SND1: variants seen among roughly 807,000 people sequenced by gnomAD.
SND1 encodes staphylococcal nuclease and tudor domain containing 1, also known as staphylococcal nuclease domain-containing protein 1.
Under a neutral mutation model 121.7 loss-of-function variants are expected in SND1, and 38 were observed. That is an observed-to-expected ratio of 0.31 (90% CI 0.24 to 0.41). The LOEUF (loss-of-function observed/expected upper bound fraction) is 0.41, where lower values mean the gene tolerates loss of function less well. Among genes scored for constraint, SND1 ranks in the 10% least tolerant of loss-of-function variants. The probability of loss-of-function intolerance (pLI) is 1.00; values close to 1 mark genes in which losing one functional copy is unlikely to be tolerated. For synonymous variants in SND1, 401 were observed against 447.4 expected (o/e 0.90, Z 1.31); for missense variants, 868 against 1,184.6 (o/e 0.73, Z 3.92).
intron 11 of SND1, among the ~76,000 whole-genome samples, chr7:127,830,830 T>C (rs1798725451): frequency 6.6e-6 from 1 of 152,198 alleles, no homozygotes. Context: ...CCTAGTTTGC[T>C]GTCTAGGAGT....
At chr7:127,771,269 G>A (rs149929348) in intron 10 of SND1, among the ~76,000 whole-genome samples, 8 of 152,264 alleles carry the variant, frequency 5.3e-5, no homozygotes, top group Non-Finnish European at 1.0e-4. Flanking sequence ...CTTGGCATAC[G>A]TATACTATTG....
chr7:127,835,397 A>T (rs940299816), intron 11 of SND1, among the ~76,000 whole-genome samples: 2 of 152,132 alleles, frequency 1.3e-5, no homozygotes, highest in Admixed American at 1.3e-4. Flanking sequence ...GTGACCTTGG[A>T]AATTTTGGCC....
intron 1 of SND1, among the ~76,000 whole-genome samples, chr7:127,661,326 C>T (rs1795306936): frequency 1.3e-5 from 2 of 152,142 alleles, no homozygotes; most frequent in South Asian, 4.2e-4. Context: ...TGCGACTTTT[C>T]CTTCTGTTTG....
chr7:127,885,310 G>A lies in SND1; in HGVS notation c.1344-2592G>A, dbSNP rs561629337. Among the ~76,000 whole-genome samples, 7 of 152,190 alleles carry A rather than the reference G, an allele frequency of 4.6e-5. No individual in the cohort carries two copies. The South Asian group carries it at 6.2e-4, about 14-fold the overall frequency. On this transcript the variant is annotated intron_variant, in intron 12 of 23. Coordinates refer to ENST00000354725, the MANE Select transcript of SND1 (RefSeq NM_014390.4). ...CATGTGATTCTCATATGCATTGCAC[G>A]TAGTGAATGCCCAATGGTGATGGTT...
At chr7:127,977,517 TAAG>T (rs1333536288) in intron 15 of SND1, among the ~76,000 whole-genome samples, 2 of 151,946 alleles carry the variant, frequency 1.3e-5, no homozygotes, top group East Asian at 1.9e-4. Context: ...AAAAAGAAAA[TAAG>T]AAGCAGAACA....
chr7:127,821,070 C>T lies in SND1; in HGVS notation c.1242+13497C>T, dbSNP rs563679606. On this transcript the variant is annotated intron_variant, in intron 11 of 23. Coordinates refer to ENST00000354725, the MANE Select transcript of SND1 (RefSeq NM_014390.4). The stretch of plus-strand genomic sequence containing the variant: ...CCCGAATGAACACTCAGAATGTTCT[C>T]AGCGAGATGATATTGTGTAGTACAT... Among the ~76,000 whole-genome samples, 4 of 152,318 alleles carry T rather than the reference C, an allele frequency of 2.6e-5. No individual in the cohort carries two copies. The East Asian group carries it at 7.7e-4, about 29-fold the overall frequency.
At chr7:127,817,369 G>T (rs1798463314) in intron 11 of SND1, among the ~76,000 whole-genome samples, 1 of 152,116 alleles carries the variant, frequency 6.6e-6, no homozygotes, top group African/African-American at 2.4e-5. Flanking sequence ...CTTAGGAATA[G>T]GAATATTTCC....
At chr7:127,849,502 C>T (rs568348072) in intron 12 of SND1, among the ~76,000 whole-genome samples, 1 of 152,304 alleles carries the variant, frequency 6.6e-6, no homozygotes, top group South Asian at 2.1e-4. Flanking sequence ...CAGATACACA[C>T]ACTCATTCTC....
intron 13 of SND1, among the ~76,000 whole-genome samples, chr7:127,892,812 G>A (rs1271568109): frequency 7.1e-5 from 6 of 84,824 alleles, no homozygotes; most frequent in South Asian, 4.0e-4. Flanking sequence ...TCCCCACCCC[G>A]AATTTAGGTG....
chr7:127,753,980 G>A (rs748991725), intron 10 of SND1, among the ~76,000 whole-genome samples: 1 of 152,096 alleles, frequency 6.6e-6, no homozygotes, highest in Non-Finnish European at 1.5e-5. Flanking sequence ...CCCCTTGAAC[G>A]CTCAGAGCCT....
At chr7:127,734,175 C>T (rs1256601681) in intron 10 of SND1, among the ~76,000 whole-genome samples, 1 of 152,068 alleles carries the variant, frequency 6.6e-6, no homozygotes, top group African/African-American at 2.4e-5. Flanking sequence ...GTGTGAGATT[C>T]CCCGCTCCAG....
intron 1 of SND1, among the ~76,000 whole-genome samples, chr7:127,662,672 T>G (rs2116238214): frequency 6.6e-6 from 1 of 152,242 alleles, no homozygotes; most frequent in South Asian, 2.1e-4. Flanking sequence ...AGTTTTTTTG[T>G]TTGGTAGTTT....
chr7:127,788,134 G>A (rs1334756095), intron 10 of SND1, among the ~76,000 whole-genome samples: 10 of 152,340 alleles, frequency 6.6e-5, no homozygotes, highest in Non-Finnish European at 1.3e-4. Flanking sequence ...TGGGCATTTA[G>A]AGTTAGAAGG....
In SND1 at chr7:127,864,150, C is replaced by G. The variant is rs140469581; in HGVS notation, c.1343+19726C>G. Among the ~76,000 whole-genome samples, 136 of 149,826 alleles carry G rather than the reference C, an allele frequency of 9.1e-4. 1 individual carries two copies. The highest frequency in any genetic ancestry group is 3.4e-3 in the Middle Eastern group (1 of 294). Reference sequence around the variant, plus strand: ...TTAGATATTTAGGATAAATAAGAAACTTCTCCCATTTTTCTAAGTCTTCCC... The same window carrying G: ...TTAGATATTTAGGATAAATAAGAAAGTTCTCCCATTTTTCTAAGTCTTCCC... On this transcript the variant is annotated intron_variant, in intron 12 of 23. Coordinates refer to ENST00000354725, the MANE Select transcript of SND1 (RefSeq NM_014390.4).
intron 10 of SND1, among the ~76,000 whole-genome samples, chr7:127,784,982 A>G (rs560574027): frequency 1.3e-5 from 2 of 152,132 alleles, no homozygotes; most frequent in African/African-American, 4.8e-5. Flanking sequence ...GCAGTGGCAC[A>G]ATCACGGCTT....
chr7:127,765,189 G>C (rs1373228869), intron 10 of SND1, among the ~76,000 whole-genome samples: 1 of 152,206 alleles, frequency 6.6e-6, no homozygotes, highest in African/African-American at 2.4e-5. Context: ...AGCAACAAGA[G>C]ACTTTTTGTG....
intron 15 of SND1, among the ~76,000 whole-genome samples, chr7:127,960,733 T>C (rs1801712078): frequency 6.6e-6 from 1 of 152,206 alleles, no homozygotes; most frequent in Admixed American, 6.5e-5. Flanking sequence ...TTGCAATCTA[T>C]ATTCAGATCT....
intron 11 of SND1, among the ~76,000 whole-genome samples, chr7:127,811,223 C>T (rs774748681): frequency 1.3e-5 from 2 of 152,154 alleles, no homozygotes; most frequent in African/African-American, 2.4e-5. Context: ...TTGATCAGTG[C>T]AGACATTTGG....
intron 1 of SND1, 117 bp downstream of exon 1, chr7:127,652,568 C>T (rs1440613269): frequency 3.5e-6 from 3 of 849,770 alleles, no homozygotes; most frequent in Admixed American, 2.9e-5. Flanking sequence ...CTGCCCCCTT[C>T]CTCACTTTTC....
Sources: gnomAD v4.1 joint callset for allele counts (sites outside exome capture counted in the v4.1 genomes callset) on GRCh38, gnomAD v4.1.1 for gene constraint, MANE v1.5 for transcripts, NCBI Gene and HGNC (gene_info 2026-07-23, HGNC 2026-07-21) for gene names.